Variants in CSMD3 observed in about 807,000 individuals in gnomAD.
CSMD3 encodes CUB and sushi domain-containing protein 3.
CSMD3 carries 177 observed loss-of-function variants against 435.2 expected under a neutral mutation model. The observed-to-expected ratio is 0.41, with a 90% CI of 0.36 to 0.46. The LOEUF (loss-of-function observed/expected upper bound fraction) is 0.46, where lower values mean the gene tolerates loss of function less well. CSMD3 is among the 20% of genes least tolerant of loss of function. CSMD3 has a pLI of 0.34. For missense variants in CSMD3, 4,265 were observed against 4,504.6 expected (o/e 0.95, Z 1.52); for synonymous variants, 1,656 against 1,520.5 (o/e 1.09, Z -2.07).
chr8:113,132,431 T>TA (rs1198602272), intron 4 of CSMD3, among the ~76,000 whole-genome samples: 1 of 151,980 alleles, frequency 6.6e-6, no homozygotes, highest in East Asian at 1.9e-4. Context: ...CCCTTGCTGT[T>TA]GTCATAATAA....
chr8:112,224,613 G>T lies in CSMD3; in HGVS notation c.*158C>A. 1 of 747,422 alleles carries T rather than the reference G, an allele frequency of 1.3e-6. No individual in the cohort carries two copies. Among genetic ancestry groups the T allele is most frequent in the South Asian group, 1.5e-5 (1 of 66,518 alleles). The allele number at this position is 747,422 out of a possible 1,614,324, so 46.3% of individuals were successfully genotyped here. Reference sequence around the variant, plus strand: ...TCCATGGTAAACATGAAGAATTATGGTCCAGTTTATGAAAAAACACTCTTC... The same window carrying T: ...TCCATGGTAAACATGAAGAATTATGTTCCAGTTTATGAAAAAACACTCTTC... On this transcript the variant is annotated 3_prime_UTR_variant, in exon 71 of 71. Coordinates refer to ENST00000297405, the MANE Select transcript of CSMD3 (RefSeq NM_198123.2).
At chr8:112,569,149 C>A (rs1338178981) in intron 24 of CSMD3, among the ~76,000 whole-genome samples, 1 of 152,106 alleles carries the variant, frequency 6.6e-6, no homozygotes, top group Non-Finnish European at 1.5e-5. Context: ...GGAGTATATG[C>A]GGTTGGCACT....
chr8:112,273,367 A>G (rs1262902642), intron 59 of CSMD3, among the ~76,000 whole-genome samples: 1 of 152,122 alleles, frequency 6.6e-6, no homozygotes, highest in Non-Finnish European at 1.5e-5. Flanking sequence ...ACTATTATTG[A>G]AAACTTACTA....
At chr8:112,742,539 T>A (rs917379570) in intron 13 of CSMD3, among the ~76,000 whole-genome samples, 2 of 151,940 alleles carry the variant, frequency 1.3e-5, no homozygotes, top group Non-Finnish European at 2.9e-5. Flanking sequence ...TTTAAAAAAA[T>A]ACATTATTTT....
At chr8:112,384,047 G>GTAGC (rs1406277792) in intron 36 of CSMD3, among the ~76,000 whole-genome samples, 1 of 152,124 alleles carries the variant, frequency 6.6e-6, no homozygotes, top group Admixed American at 6.6e-5. Flanking sequence ...TAATTTGCTT[G>GTAGC]TAGCTATTAG....
intron 32 of CSMD3, among the ~76,000 whole-genome samples, chr8:112,442,307 C>T (rs1815116865): frequency 6.6e-6 from 1 of 152,142 alleles, no homozygotes; most frequent in African/African-American, 2.4e-5. Flanking sequence ...TGGGAATCAC[C>T]TTTCAACATG....
chr8:113,433,926 A>G (rs17611021), intron 1 of CSMD3, among the ~76,000 whole-genome samples: 1,644 of 152,206 alleles, frequency 0.011, 14 homozygotes, highest in Middle Eastern at 0.017. Context: ...TGAAATAGGC[A>G]TGGATCAAGT....
chr8:112,758,070 A>C (rs967203194), intron 13 of CSMD3, among the ~76,000 whole-genome samples: 1 of 151,750 alleles, frequency 6.6e-6, no homozygotes, highest in African/African-American at 2.4e-5. Flanking sequence ...ATTTAAAAAA[A>C]GGGGCCGGGT....
chr8:113,356,697 T>C (rs2094231245), intron 1 of CSMD3, among the ~76,000 whole-genome samples: 1 of 152,092 alleles, frequency 6.6e-6, no homozygotes, highest in Non-Finnish European at 1.5e-5. Context: ...ATCTAAAGGG[T>C]ACTACGTTTT....
intron 40 of CSMD3, 110 bp downstream of exon 40, chr8:112,351,065 A>G: frequency 5.9e-6 from 4 of 682,254 alleles, no homozygotes; most frequent in Non-Finnish European, 1.0e-5. Context: ...TTTGAAAATC[A>G]TGATATACAG....
At chr8:112,888,538 A>AC (rs2081679588) in intron 10 of CSMD3, among the ~76,000 whole-genome samples, 2 of 151,812 alleles carry the variant, frequency 1.3e-5, no homozygotes, top group South Asian at 4.1e-4. Context: ...GAAAGCCAAT[A>AC]CATGCATGTG....
intron 11 of CSMD3, 26 bp from the exon 12 acceptor site, chr8:112,829,815 T>C: frequency 8.4e-7 from 1 of 1,189,854 alleles, no homozygotes; most frequent in African/African-American, 1.5e-5. Context: ...AACATGCACC[T>C]TAAATATACT....
chr8:112,273,120 T>A (rs927962131), intron 59 of CSMD3, among the ~76,000 whole-genome samples: 2 of 152,180 alleles, frequency 1.3e-5, no homozygotes, highest in African/African-American at 4.8e-5. Flanking sequence ...TAATTTAACA[T>A]TCCTGAGGAA....
At chr8:112,307,048 T>C (rs532829726) in intron 50 of CSMD3, among the ~76,000 whole-genome samples, 2 of 151,798 alleles carry the variant, frequency 1.3e-5, no homozygotes, top group African/African-American at 2.4e-5. Flanking sequence ...AAAAAACACA[T>C]AATCTTTCAA....
At chr8:112,556,039 A>G (rs554632122) in intron 25 of CSMD3, among the ~76,000 whole-genome samples, 8 of 151,902 alleles carry the variant, frequency 5.3e-5, no homozygotes, top group Non-Finnish European at 1.2e-4. Flanking sequence ...GTGTTTTGCT[A>G]CAAAGTTGTT....
chr8:113,393,693 C>A (rs747327192), intron 1 of CSMD3, among the ~76,000 whole-genome samples: 4 of 152,052 alleles, frequency 2.6e-5, no homozygotes, highest in Non-Finnish European at 5.9e-5. Context: ...AACTTGGAAG[C>A]ATGCATACAT....
chr8:112,594,542 T>A (rs956880844), intron 22 of CSMD3, among the ~76,000 whole-genome samples: 45 of 152,328 alleles, frequency 3.0e-4, no homozygotes, highest in African/African-American at 1.1e-3. Context: ...TGCCTGCCTC[T>A]GTAGGCTCCA....
At chr8:113,153,628 T>C (rs923501109) in intron 4 of CSMD3, among the ~76,000 whole-genome samples, 3 of 151,962 alleles carry the variant, frequency 2.0e-5, no homozygotes, top group Non-Finnish European at 4.4e-5. Context: ...CTATTTAGAG[T>C]TGTCCAAAAA....
intron 17 of CSMD3, 143 bp downstream of exon 17, chr8:112,666,134 G>A (rs892337723): frequency 1.4e-6 from 1 of 711,028 alleles, no homozygotes; most frequent in Non-Finnish European, 2.5e-6. Context: ...AGGTTAAAAG[G>A]GGGCAAACAG....
Sources: allele counts gnomAD v4.1 joint callset (sites outside exome capture counted in the v4.1 genomes callset), GRCh38; gene constraint gnomAD v4.1.1; transcripts MANE v1.5; gene names NCBI Gene and HGNC (gene_info 2026-07-23, HGNC 2026-07-21).